RGS6: variants seen among roughly 807,000 people sequenced by gnomAD.
RGS6 encodes regulator of G protein signaling 6.
A neutral mutation model predicts 78.5 loss-of-function variants in RGS6; 30 were observed. The ratio of observed to expected loss-of-function variants is 0.38; its 90% CI spans 0.29 to 0.52. RGS6 has a LOEUF of 0.52. RGS6 is among the 20% of genes least tolerant of loss of function. The pLI is 0.85. For missense variants in RGS6, 495 were observed against 609.7 expected (o/e 0.81, Z 1.98); for synonymous variants, 206 against 206.0 (o/e 1.00, Z 0.00).
chr14:72,052,569 G>A (rs910384561), intron 2 of RGS6, among the ~76,000 whole-genome samples: 5 of 152,202 alleles, frequency 3.3e-5, no homozygotes, highest in Non-Finnish European at 5.9e-5. Flanking sequence ...CAGACCAGCA[G>A]TCGGAATCTT....
intron 3 of RGS6, among the ~76,000 whole-genome samples, chr14:72,385,215 G>A (rs1334400881): frequency 6.6e-6 from 1 of 151,912 alleles, no homozygotes; most frequent in African/African-American, 2.4e-5. Flanking sequence ...TCAAAGCTTG[G>A]GTGTAATAGA....
At chr14:72,030,287 C>T (rs2090631255) in intron 2 of RGS6, among the ~76,000 whole-genome samples, 1 of 151,914 alleles carries the variant, frequency 6.6e-6, no homozygotes, top group Non-Finnish European at 1.5e-5. Flanking sequence ...TCAGCAATTA[C>T]ATTACATATA....
At chr14:72,071,439 G>C (rs187107214) in intron 2 of RGS6, among the ~76,000 whole-genome samples, 128 of 152,266 alleles carry the variant, frequency 8.4e-4, no homozygotes, top group African/African-American at 2.7e-3. Flanking sequence ...ATGATTCATT[G>C]AGTAAGCATG....
intron 2 of RGS6, among the ~76,000 whole-genome samples, chr14:72,301,849 C>A (rs1251242312): frequency 6.6e-6 from 1 of 151,994 alleles, no homozygotes; most frequent in African/African-American, 2.4e-5. Flanking sequence ...ATTAGGGACC[C>A]ACACTACTCC....
At chr14:72,312,681 C>T (rs561358628) in intron 2 of RGS6, among the ~76,000 whole-genome samples, 8 of 152,224 alleles carry the variant, frequency 5.3e-5, no homozygotes, top group East Asian at 3.9e-4. Context: ...GTAGCTCATG[C>T]GTCGACAGGA....
intron 2 of RGS6, among the ~76,000 whole-genome samples, chr14:72,283,238 G>A (rs754304445): frequency 1.3e-4 from 20 of 152,272 alleles, no homozygotes; most frequent in Non-Finnish European, 1.8e-4. Flanking sequence ...ATGAACTTGG[G>A]CGTGCAAATA....
intron 3 of RGS6, among the ~76,000 whole-genome samples, chr14:72,365,627 G>T (rs10483844): frequency 6.6e-6 from 1 of 152,078 alleles, no homozygotes; most frequent in East Asian, 1.9e-4. Flanking sequence ...CACCTGTTTC[G>T]ATCTTATGTG....
At chr14:71,883,806 A>G in the RGS6 span, among the ~76,000 whole-genome samples, 1 of 152,214 alleles carries the variant, frequency 6.6e-6, no homozygotes, top group Non-Finnish European at 1.5e-5. Context: ...GTGCCATGAC[A>G]GTTTACAGAT....
At chr14:72,289,296 T>C (rs942767302) in intron 2 of RGS6, among the ~76,000 whole-genome samples, 14 of 151,950 alleles carry the variant, frequency 9.2e-5, no homozygotes, top group African/African-American at 3.4e-4. Context: ...CCTACAAAGT[T>C]AGCATTCATT....
chr14:72,304,062 A>G (rs565896578), intron 2 of RGS6, among the ~76,000 whole-genome samples: 2 of 152,326 alleles, frequency 1.3e-5, no homozygotes, highest in South Asian at 2.1e-4. Context: ...AGCCCATGAC[A>G]TTAGTCACAT....
intron 3 of RGS6, among the ~76,000 whole-genome samples, chr14:72,361,914 G>T (rs774116583): frequency 1.1e-4 from 16 of 152,276 alleles, no homozygotes; most frequent in Non-Finnish European, 1.8e-4. Context: ...AAACCCCATG[G>T]TATATAAAGT....
chr14:72,505,630 G>T (rs998146103), intron 13 of RGS6, among the ~76,000 whole-genome samples: 9 of 152,222 alleles, frequency 5.9e-5, no homozygotes, highest in African/African-American at 1.9e-4. Context: ...AGAAGGCAAG[G>T]TAACAGAGTG....
intron 2 of RGS6, among the ~76,000 whole-genome samples, chr14:72,130,689 C>G (rs529931970): frequency 5.9e-5 from 9 of 152,196 alleles, no homozygotes; most frequent in Non-Finnish European, 1.0e-4. Flanking sequence ...ATCTGTGACA[C>G]TGGTCCTCTG....
chr14:72,144,111 A>C (rs948721758), intron 2 of RGS6, among the ~76,000 whole-genome samples: 2 of 152,174 alleles, frequency 1.3e-5, no homozygotes, highest in Non-Finnish European at 2.9e-5. Context: ...TTTAACCATT[A>C]TGTGTCTGGA....
chr14:72,334,255 C>T (rs2075615531), intron 2 of RGS6, among the ~76,000 whole-genome samples: 1 of 152,268 alleles, frequency 6.6e-6, no homozygotes, highest in African/African-American at 2.4e-5. Flanking sequence ...AGGCTCATGC[C>T]AAACCCCAAT....
At chr14:72,155,098 A>G (rs1598488096) in intron 2 of RGS6, among the ~76,000 whole-genome samples, 1 of 152,324 alleles carries the variant, frequency 6.6e-6, no homozygotes, top group African/African-American at 2.4e-5. Context: ...GGCAGAAAAA[A>G]TGTATCATTC....
At chr14:72,104,643 C>T (rs1373377286) in intron 2 of RGS6, among the ~76,000 whole-genome samples, 1 of 152,230 alleles carries the variant, frequency 6.6e-6, no homozygotes, top group Non-Finnish European at 1.5e-5. Context: ...GTTTGGACTC[C>T]TGCAAGCTCT....
rs182539039 is a variant in RGS6, at chr14:72,438,738, T to C, written c.185-15790T>C. 6.6e-5 allele frequency among the ~76,000 whole-genome samples: 10 copies of C among 152,374 alleles called. No homozygotes were observed. In the East Asian group the frequency reaches 1.7e-3, roughly 26 times the overall value. Reference sequence around the variant, plus strand: ...CACAGTTCCAAACTGGTCTCCTTGCTTCTACTCCTCTCCCTTTACAATCCA... The same window carrying C: ...CACAGTTCCAAACTGGTCTCCTTGCCTCTACTCCTCTCCCTTTACAATCCA... On this transcript the variant is annotated intron_variant, in intron 3 of 17. Coordinates refer to ENST00000553525, the MANE Select transcript of RGS6 (RefSeq NM_001204424.2).
intron 2 of RGS6, among the ~76,000 whole-genome samples, chr14:72,169,149 TAC>T (rs1169457090): frequency 2.0e-5 from 3 of 152,256 alleles, no homozygotes; most frequent in Admixed American, 6.5e-5. Flanking sequence ...GCAATTTTTC[TAC>T]AGAGAGAGGG....
Sources: allele counts gnomAD v4.1 joint callset (sites outside exome capture counted in the v4.1 genomes callset), GRCh38; gene constraint gnomAD v4.1.1; transcripts MANE v1.5; gene names NCBI Gene and HGNC (gene_info 2026-07-23, HGNC 2026-07-21).